Variants in ESPN observed in about 807,000 individuals in gnomAD.
The protein encoded by ESPN is espin.
In ESPN, 68 loss-of-function variants were observed where a neutral mutation model predicts 77.7. The observed-to-expected ratio is 0.87, with a 90% CI of 0.72 to 1.07. The LOEUF (loss-of-function observed/expected upper bound fraction) is 1.07, where lower values mean the gene tolerates loss of function less well. ESPN is among the 50% of genes least tolerant of loss of function. The pLI, the probability that ESPN is intolerant of heterozygous loss-of-function variation, is 0.00. For synonymous variants in ESPN, 449 were observed against 567.1 expected, an observed-to-expected ratio of 0.79 and a Z score of 2.96; for missense variants, 1,060 against 1,239.0, an observed-to-expected ratio of 0.86 and a Z score of 2.17.
chr1:6,448,886 C>T lies in ESPN; in HGVS notation c.1710C>T (p.Pro570=), dbSNP rs1171971613. ...GCTCACTCGAAGGCCCCTCCGCTCC[C>T]CCGCAGGCGGCGCTGCTTCCTGGGA... ...ARGSLEGPSA[P]PQAALLPGNH... Residue 570 remains proline (P), a synonymous_variant, in exon 8 of 13, where the codon CCC becomes CCT. Coordinates refer to ENST00000645284, the MANE Select transcript of ESPN (RefSeq NM_031475.3). 2 of 1,330,194 alleles carry T rather than the reference C, an allele frequency of 1.5e-6. No homozygotes were observed. The highest frequency in any genetic ancestry group is 1.9e-6 in the Non-Finnish European group (2 of 1,045,146). The allele number at this position is 1,330,194 out of a possible 1,614,324, so 82.4% of individuals were successfully genotyped here. A position where few individuals can be genotyped will look rare whatever the true frequency, so the allele number is the denominator to read the frequency against.
rs1450297425 is a variant in ESPN, at chr1:6,440,512, G to T, written c.675+72G>T. The stretch of plus-strand genomic sequence containing the variant: ...GGCAGGGCGGGGAGTGGAGGGAGCG[G>T]GGCCATCAGGGGTGGGGCGGGGGGG... On this transcript the variant is annotated intron_variant, in intron 3 of 12. Transcript: ENST00000645284. 2.3e-5 allele frequency: 28 copies of T among 1,195,946 alleles called. No individual in the cohort carries two copies. In the Admixed American group the frequency reaches 6.6e-4, roughly 28 times the overall value. The allele number at this position is 1,195,946 out of a possible 1,614,324, so 74.1% of individuals were successfully genotyped here. A position where few individuals can be genotyped will look rare whatever the true frequency, so the allele number is the denominator to read the frequency against.
intron 12 of ESPN, among the ~76,000 whole-genome samples, chr1:6,458,268 T>C (rs971738179): frequency 6.6e-6 from 1 of 152,122 alleles, no homozygotes; most frequent in Non-Finnish European, 1.5e-5. Context: ...TCCACCCGCC[T>C]CGGCCTCCCA....
At position 6,460,384 on chromosome 1, in the gene ESPN, A is replaced by C; in HGVS notation, c.*238A>C. The C allele has an allele frequency of 1.6e-4, 85 of 527,562 alleles. No individual in the cohort carries two copies. Among genetic ancestry groups the C allele is most frequent in the East Asian group, 3.0e-4 (9 of 29,884 alleles). The allele number at this position is 527,562 out of a possible 1,614,324, so 32.7% of individuals were successfully genotyped here. On this transcript the variant is annotated 3_prime_UTR_variant, in exon 13 of 13. Transcript: ENST00000645284. Reference sequence around the variant, plus strand: ...AAGCTGCTGACGCAAACAACAACAAATGCTGCTTATTTGCATGCCGACTTA... The same window carrying C: ...AAGCTGCTGACGCAAACAACAACAACTGCTGCTTATTTGCATGCCGACTTA...
intron 12 of ESPN, among the ~76,000 whole-genome samples, chr1:6,459,613 G>A (rs989337881): frequency 1.3e-5 from 2 of 151,934 alleles, no homozygotes; most frequent in African/African-American, 4.8e-5. Flanking sequence ...CTGCTCCCCA[G>A]CAGCCCCACC....
At chr1:6,454,703 C>T in intron 10 of ESPN, 1 of 398,626 alleles carries the variant, frequency 2.5e-6, no homozygotes, top group Middle Eastern at 6.3e-4. Context: ...GAATGCATGG[C>T]CGCGCCGCCA....
At chr1:6,455,319 T>A (rs1434508260) in intron 10 of ESPN, 1 of 386,448 alleles carries the variant, frequency 2.6e-6, no homozygotes, top group Non-Finnish European at 4.6e-6. Flanking sequence ...CCGCTGGGCC[T>A]GCCGCGGACC....
At position 6,445,654 on chromosome 1, in the gene ESPN, G is replaced by A; in HGVS notation, c.1193-10G>A. On this transcript the variant is annotated splice_polypyrimidine_tract_variant and intron_variant, in intron 6 of 12. Transcript: ENST00000645284. ...GCTCCCAAATCTGGCCCTTCCTTCT[G>A]CCTCCCCAGGGCTTTCCAGCGCTAG... The A allele has an allele frequency of 1.2e-6, 2 of 1,611,506 alleles. No individual in the cohort carries two copies. Among genetic ancestry groups the A allele is most frequent in the Non-Finnish European group, 1.7e-6 (2 of 1,179,392 alleles).
chr1:6,444,959 C>A (rs1643774250), intron 6 of ESPN, among the ~76,000 whole-genome samples: 1 of 152,216 alleles, frequency 6.6e-6, no homozygotes, highest in African/African-American at 2.4e-5. Context: ...CTTAGCTACT[C>A]ACATACAAAA....
At chr1:6,445,250 G>A (rs1222023068) in intron 6 of ESPN, among the ~76,000 whole-genome samples, 1 of 152,254 alleles carries the variant, frequency 6.6e-6, no homozygotes, top group African/African-American at 2.4e-5. Flanking sequence ...CACACACCCT[G>A]ACCGTGCCCT....
chr1:6,446,404 G>C (rs1643842098), intron 7 of ESPN, among the ~76,000 whole-genome samples: 1 of 152,194 alleles, frequency 6.6e-6, no homozygotes. Context: ...GGAGGGTGGG[G>C]GGAAGGTGAG....
At chr1:6,431,419 A>G (rs1008142205) in intron 2 of ESPN, among the ~76,000 whole-genome samples, 104 of 151,450 alleles carry the variant, frequency 6.9e-4, no homozygotes, top group Non-Finnish European at 1.0e-3. Context: ...AACCAGCCTG[A>G]CCAACATGGT....
chr1:6,455,598 C>G (rs1644040431), intron 10 of ESPN: 1 of 399,192 alleles, frequency 2.5e-6, no homozygotes, highest in Non-Finnish European at 4.4e-6. Flanking sequence ...CCTGCCGCCC[C>G]TGGACGGCGG....
At chr1:6,452,843 GA>G (rs1236692062) in intron 10 of ESPN, among the ~76,000 whole-genome samples, 1 of 152,154 alleles carries the variant, frequency 6.6e-6, no homozygotes, top group Non-Finnish European at 1.5e-5. Flanking sequence ...CAGCTGGCAG[GA>G]TGAGTTGCCT....
chr1:6,447,193 G>GTGCGCCCCTCCCGGCTGTC lies in ESPN; in HGVS notation c.1464+1270_1464+1271insGGCTGTCTGCGCCCCTCCC, dbSNP rs1643866312. The GTGCGCCCCTCCCGGCTGTC allele has an allele frequency of 3.3e-5, 5 of 151,186 alleles. No homozygotes were observed. The highest frequency in any genetic ancestry group is 5.8e-5 in the Non-Finnish European group (4 of 68,682). The allele number at this position is 151,186 out of a possible 1,614,324, so 9.4% of individuals were successfully genotyped here. A position where few individuals can be genotyped will look rare whatever the true frequency, so the allele number is the denominator to read the frequency against. ...GGCTGTGTGCGCCCCTCCCGGCTGT[G>GTGCGCCCCTCCCGGCTGTC]TGCGCCCCTCCCCACTGTGTGCGCC... On this transcript the variant is annotated intron_variant, in intron 7 of 12. Transcript: ENST00000645284. The surrounding 1 kb of genome is among the most constrained non-coding windows in gnomAD (Gnocchi z 5.2).
chr1:6,455,205 C>G, intron 10 of ESPN: 1 of 388,974 alleles, frequency 2.6e-6, no homozygotes, highest in Non-Finnish European at 4.5e-6. Flanking sequence ...TGAGCCCGAG[C>G]AGCTGGCGCG....
At chr1:6,436,198 G>A (rs1431300963) in intron 2 of ESPN, among the ~76,000 whole-genome samples, 1 of 152,126 alleles carries the variant, frequency 6.6e-6, no homozygotes, top group Non-Finnish European at 1.5e-5. Flanking sequence ...CACATTTGGA[G>A]TCAGAAGCAG....
chr1:6,432,657 GA>G (rs1643292513), intron 2 of ESPN, among the ~76,000 whole-genome samples: 2 of 152,214 alleles, frequency 1.3e-5, no homozygotes, highest in South Asian at 2.1e-4. Flanking sequence ...GGGCTTCTGA[GA>G]AACCCCCTTT....
chr1:6,451,894 C>T lies in ESPN; in HGVS notation c.2123C>T (p.Pro708Leu). 1 of 1,611,094 alleles carries T rather than the reference C, an allele frequency of 6.2e-7. No individual in the cohort carries two copies. Among genetic ancestry groups the T allele is most frequent in the Non-Finnish European group, 8.5e-7 (1 of 1,178,960 alleles). Residue 708 changes from proline (P) to leucine (L), a missense_variant, in exon 10 of 13, where the codon CCA becomes CTA. By Grantham distance (98) the Pro-to-Leu change is moderately conservative (BLOSUM62 -3). Transcript: ENST00000645284. This position sits in a 1 kb window ranked among gnomAD's most constrained non-coding sequence, Gnocchi z 4.3. ...ALSPVRSPTP[P>L]AAGFQPLLNG... ...TCACCAGTCCGGAGCCCCACACCGC[C>T]AGCTGCGGGGTTTCAGCCGCTGCTC... is the stretch of plus-strand genomic sequence containing the variant.
chr1:6,430,999 G>A (rs2148506433), intron 2 of ESPN, among the ~76,000 whole-genome samples: 1 of 152,312 alleles, frequency 6.6e-6, no homozygotes, highest in African/African-American at 2.4e-5. Context: ...CAAGGCCGGT[G>A]GCCATCCTCC....
Sources: allele counts gnomAD v4.1 joint callset (sites outside exome capture counted in the v4.1 genomes callset), GRCh38; gene constraint gnomAD v4.1.1; non-coding constraint Gnocchi (gnomAD v3.1); transcripts MANE v1.5; gene names NCBI Gene and HGNC (gene_info 2026-07-23, HGNC 2026-07-21).